MISP: variants seen among roughly 807,000 people sequenced by gnomAD.
MISP encodes the protein mitotic spindle positioning.
MISP carries 51 observed loss-of-function variants against 49.3 expected under a neutral mutation model. The ratio of observed to expected loss-of-function variants is 1.03; its 90% CI spans 0.83 to 1.31. MISP has a LOEUF of 1.31. Ranked by LOEUF, MISP falls within the 50% of genes most tolerant of loss-of-function variation. The probability of loss-of-function intolerance (pLI) is 0.00; values close to 1 mark genes in which losing one functional copy is unlikely to be tolerated. For missense variants in MISP, 1,084 were observed against 935.1 expected (o/e 1.16, Z -2.08); for synonymous variants, 444 against 392.6 (o/e 1.13, Z -1.55).
upstream of MISP, among the ~76,000 whole-genome samples, chr19:749,743 T>A (rs1284174105): frequency 6.6e-6 from 1 of 152,026 alleles, no homozygotes; most frequent in Non-Finnish European, 1.5e-5. Context: ...GGCAGGAGAA[T>A]TGCTTGAACA....
intron 1 of MISP, among the ~76,000 whole-genome samples, chr19:751,589 C>T (rs1322729529): frequency 6.6e-6 from 1 of 152,002 alleles, no homozygotes; most frequent in Non-Finnish European, 1.5e-5. Context: ...GACTGGGAGG[C>T]TCTGGGCAGT....
intron 4 of MISP, among the ~76,000 whole-genome samples, chr19:762,908 G>C (rs76680732): frequency 0.025 from 3,807 of 152,192 alleles, 191 homozygotes; most frequent in African/African-American, 0.088. Flanking sequence ...CTGCATTCAA[G>C]GGATCCTCCC....
In MISP at chr19:758,515, C is replaced by T. The variant is rs766774963; in HGVS notation, c.1569C>T (p.Pro523=). 1.2e-6 allele frequency: 2 copies of T among 1,614,138 alleles called. No individual in the cohort carries two copies. Among genetic ancestry groups the T allele is most frequent in the South Asian group, 1.1e-5 (1 of 91,086 alleles). ...APDEPQQAQV[P]HVWGWEVAGA... ...ACGAGCCCCAGCAGGCCCAAGTCCC[C>T]CATGTCTGGGGCTGGGAGGTGGCTG... is the stretch of plus-strand genomic sequence containing the variant. Residue 523 remains proline, a synonymous_variant, in exon 2 of 5, where the codon CCC becomes CCT. Transcript: ENST00000215582.
At chr19:758,793 G>A in intron 2 of MISP, 67 bp downstream of exon 2, 3 of 1,402,148 alleles carry the variant, frequency 2.1e-6, no homozygotes, top group South Asian at 1.3e-5. Context: ...GGGGAGGGTG[G>A]GGAGGTGGAG....
At position 757,218 on chromosome 19, in the gene MISP, G is replaced by C; in HGVS notation, c.272G>C (p.Gly91Ala). ...GLHSENREDEGWQVYRLGARD... is the reference protein window; with the variant it reads ...GLHSENREDEAWQVYRLGARD... ...CACTCGGAGAACAGGGAGGATGAGG[G>C]TTGGCAGGTTTACCGCCTGGGCGCC... The change falls in exon 2 of 5, where the codon GGT becomes GCT. Residue 91 changes from glycine (G) to alanine (A), a missense_variant. Transcript: ENST00000215582. 1.2e-6 allele frequency: 2 copies of C among 1,613,784 alleles called. No individual in the cohort carries two copies. Among genetic ancestry groups the C allele is most frequent in the Non-Finnish European group, 1.7e-6 (2 of 1,179,996 alleles).
At chr19:761,936 TTTTTTGTTTTTG>T (rs750908371) in intron 4 of MISP, among the ~76,000 whole-genome samples, 9 of 152,074 alleles carry the variant, frequency 5.9e-5, no homozygotes, top group African/African-American at 1.2e-4. Context: ...ATGTTGCTTT[TTTTTTGTTTTTG>T]TTTTTGTTTT....
At chr19:760,069 C>T (rs900253004) in intron 3 of MISP, 30 bp downstream of exon 3, 17 of 1,612,276 alleles carry the variant, frequency 1.1e-5, no homozygotes, top group Non-Finnish European at 1.4e-5. Context: ...CTGCAGAGGC[C>T]AGGCTGAGGT....
At chr19:751,404 G>A (rs751647177) in intron 1 of MISP, among the ~76,000 whole-genome samples, 3 of 152,180 alleles carry the variant, frequency 2.0e-5, no homozygotes, top group Admixed American at 1.3e-4. Flanking sequence ...CACTGGGAGA[G>A]CAGAGAGGCC....
Position 757,993 on chromosome 19 carries a change from C to G in MISP, c.1047C>G (p.Leu349=), listed in dbSNP as rs763218242. The change falls in exon 2 of 5, where the codon CTC becomes CTG. Residue 349 remains leucine (L), a synonymous_variant. Transcript: ENST00000215582. ...GGCGGGAGAGAGGGCGCCCGTCCCT[C>G]TACGTGCAGCGGGACATAGTACAGG... is the stretch of plus-strand genomic sequence containing the variant. The part of the protein sequence containing the change: ...APRRERGRPS[L]YVQRDIVQET... 1.3e-6 allele frequency: 2 copies of G among 1,576,422 alleles called. No individual in the cohort carries two copies. Among genetic ancestry groups the G allele is most frequent in the East Asian group, 2.2e-5 (1 of 44,580 alleles).
intron 4 of MISP, among the ~76,000 whole-genome samples, 178 bp downstream of exon 4, chr19:761,841 G>T (rs1430906906): frequency 1.3e-5 from 2 of 152,178 alleles, no homozygotes; most frequent in Non-Finnish European, 1.5e-5. Flanking sequence ...TGTCTGCCAT[G>T]GGCATGGATT....
chr19:754,207 G>A (rs1409859389), intron 1 of MISP, among the ~76,000 whole-genome samples: 6 of 152,120 alleles, frequency 3.9e-5, no homozygotes, highest in Non-Finnish European at 8.8e-5. Context: ...GCTCACGCCT[G>A]TAATCCCAAC....
In MISP at chr19:763,562, G is replaced by A. The variant is rs1306499916; in HGVS notation, c.2012G>A (p.Arg671His). The change falls in exon 5 of 5, where the codon CGC becomes CAC. Residue 671 changes from arginine to histidine, a missense_variant. Transcript: ENST00000215582. ...KNAMAERWES[R>H]IYASEEDD Reference sequence around the variant, plus strand: ...GCCATGGCAGAGCGCTGGGAATCCCGCATCTACGCCAGTGAGGAGGATGAC... The same window carrying A: ...GCCATGGCAGAGCGCTGGGAATCCCACATCTACGCCAGTGAGGAGGATGAC... 5 of 1,613,772 alleles carry A rather than the reference G, an allele frequency of 3.1e-6. No homozygotes were observed. Among genetic ancestry groups the A allele is most frequent in the South Asian group, 1.1e-5 (1 of 91,080 alleles).
At position 751,563 on chromosome 19, in the gene MISP, G is replaced by A. The variant is rs549551021; in HGVS notation, c.-58+392G>A. Among the ~76,000 whole-genome samples the A allele has an allele frequency of 7.2e-5, 11 of 152,220 alleles. No homozygotes were observed. In the East Asian group the frequency reaches 7.8e-4, roughly 11 times the overall value. Reference sequence around the variant, plus strand: ...GAGGCTTCTGGAGAGATGCTTATCCGTCCCACCAGGCCCCTGACTGGGAGG... The same window carrying A: ...GAGGCTTCTGGAGAGATGCTTATCCATCCCACCAGGCCCCTGACTGGGAGG... On this transcript the variant is annotated intron_variant, in intron 1 of 4. Transcript: ENST00000215582.
At position 763,884 on chromosome 19, in the gene MISP, G is replaced by T. The variant is rs2033713747; in HGVS notation, c.*294G>T. On this transcript the variant is annotated 3_prime_UTR_variant, in exon 5 of 5. Coordinates refer to ENST00000215582, the MANE Select transcript of MISP (RefSeq NM_173481.4). ...ACTTTGCCAAATGCCCTGGGTCTAA[G>T]AAAGAAAGAGACCCGCTCCTCCACT... The T allele has an allele frequency of 5.2e-6, 2 of 381,742 alleles. No homozygotes were observed. The highest frequency in any genetic ancestry group is 9.6e-6 in the Non-Finnish European group (2 of 207,322). The allele number at this position is 381,742 out of a possible 1,614,324, so 23.6% of individuals were successfully genotyped here.
At position 758,194 on chromosome 19, in the gene MISP, G is replaced by A; in HGVS notation, c.1248G>A (p.Lys416=). 2.5e-6 allele frequency: 4 copies of A among 1,612,798 alleles called. No homozygotes were observed. Among genetic ancestry groups the A allele is most frequent in the Non-Finnish European group, 3.4e-6 (4 of 1,179,824 alleles). Residue 416 remains lysine (K), a synonymous_variant, in exon 2 of 5, where the codon AAG becomes AAA. Transcript: ENST00000215582. ...CCGACCCAGCTCCAGAAGTGAGGAAGGTGAACCGCATCCCACCTGATGCCT... is the reference window on the plus strand; with the variant it reads ...CCGACCCAGCTCCAGAAGTGAGGAAAGTGAACCGCATCCCACCTGATGCCT... ...RAADPAPEVR[K]VNRIPPDAYQ...
rs1474336854 is a variant in MISP, at chr19:759,851, C to T, written c.1781-58C>T. On this transcript the variant is annotated intron_variant, in intron 2 of 4. Coordinates refer to ENST00000215582, the MANE Select transcript of MISP (RefSeq NM_173481.4). ...CTTAGCTGCTGGCTAGAGACTCTGTCTCCCGAGCAGAGGTCTGACAAATGT... is the reference window on the plus strand; with the variant it reads ...CTTAGCTGCTGGCTAGAGACTCTGTTTCCCGAGCAGAGGTCTGACAAATGT... The T allele has an allele frequency of 5.8e-5, 92 of 1,597,034 alleles. 1 individual carries two copies. Among genetic ancestry groups the T allele is most frequent in the Non-Finnish European group, 6.3e-5 (74 of 1,167,566 alleles).
Position 758,171 on chromosome 19 carries a change from G to A in MISP, c.1225G>A (p.Asp409Asn), listed in dbSNP as rs775079741. Residue 409 changes from aspartate (D) to asparagine (N), a missense_variant, in exon 2 of 5, where the codon GAC (aspartate) becomes AAC (asparagine). Asp to Asn is a conservative substitution (Grantham distance 23). Transcript: ENST00000215582. ...LSPAPDARAADPAPEVRKVNR... is the reference protein window; with the variant it reads ...LSPAPDARAANPAPEVRKVNR... ...CCCGGCCCCAGATGCCCGTGCGGCC[G>A]ACCCAGCTCCAGAAGTGAGGAAGGT... is the stretch of plus-strand genomic sequence containing the variant. 5.0e-6 allele frequency: 8 copies of A among 1,612,420 alleles called. No individual in the cohort carries two copies. The African/African-American group carries it at 5.3e-5, about 11-fold the overall frequency.
chr19:763,523 C>A lies in MISP; in HGVS notation c.1973C>A (p.Thr658Asn), dbSNP rs145524738. 7.1e-4 allele frequency: 1,151 copies of A among 1,613,958 alleles called. 6 individuals carry two copies. In the African/African-American group the frequency reaches 0.013, roughly 19 times the overall value. Residue 658 changes from threonine (T) to asparagine (N), a missense_variant, in exon 5 of 5, where the codon ACC becomes AAC. Coordinates refer to ENST00000215582, the MANE Select transcript of MISP (RefSeq NM_173481.4). ...NSEVLEAIRV[T>N]RHKNAMAERW... ...CAGGTCCTGGAAGCCATACGGGTGA[C>A]CCGTCACAAGAACGCCATGGCAGAG...
rs1568242512 is a variant in MISP, at chr19:757,683, C to A, written c.737C>A (p.Pro246His). ...KPHLANGHVV[P>H]IKPQVKGVVR... ...CACCTGGCCAACGGGCACGTGGTTC[C>A]CATCAAGCCCCAGGTGAAGGGGGTG... The change falls in exon 2 of 5, where the codon CCC (proline) becomes CAC (histidine). Residue 246 changes from proline (P) to histidine (H), a missense_variant. Transcript: ENST00000215582. The A allele has an allele frequency of 6.2e-7, 1 of 1,613,776 alleles. No homozygotes were observed. The highest frequency in any genetic ancestry group is 1.7e-5 in the Admixed American group (1 of 60,012).
Sources: gnomAD v4.1 joint callset for allele counts (sites outside exome capture counted in the v4.1 genomes callset) on GRCh38, gnomAD v4.1.1 for gene constraint, MANE v1.5 for transcripts, NCBI Gene and HGNC (gene_info 2026-07-23, HGNC 2026-07-21) for gene names.